HCN1: variants seen among roughly 807,000 people sequenced by gnomAD.
The protein encoded by HCN1 is potassium/sodium hyperpolarization-activated cyclic nucleotide-gated channel 1.
In HCN1, 13 loss-of-function variants were observed where a neutral mutation model predicts 78.9. The observed-to-expected ratio is 0.16, with a 90% CI of 0.11 to 0.26. HCN1 has a LOEUF of 0.26. Ranked by LOEUF, HCN1 falls within the 10% of genes least tolerant of loss-of-function variation. The pLI, the probability that HCN1 is intolerant of heterozygous loss-of-function variation, is 1.00. For synonymous variants in HCN1, 552 were observed against 455.5 expected, an observed-to-expected ratio of 1.21 and a Z score of -2.70; for missense variants, 810 against 1,154.3, an observed-to-expected ratio of 0.70 and a Z score of 4.32.
chr5:45,563,198 C>T (rs1293162702), intron 2 of HCN1, among the ~76,000 whole-genome samples: 3 of 151,870 alleles, frequency 2.0e-5, no homozygotes, highest in African/African-American at 7.3e-5. Context: ...GCCTGTAATC[C>T]CAGCACTTTG....
At chr5:45,450,360 A>G (rs1740892246) in intron 3 of HCN1, among the ~76,000 whole-genome samples, 1 of 152,250 alleles carries the variant, frequency 6.6e-6, no homozygotes, top group East Asian at 1.9e-4. Context: ...GATGGAAAAT[A>G]GAAGGTAGTA....
chr5:45,458,969 T>C (rs1179283540), intron 3 of HCN1, among the ~76,000 whole-genome samples: 1 of 152,094 alleles, frequency 6.6e-6, no homozygotes, highest in Non-Finnish European at 1.5e-5. Flanking sequence ...CTTTTTATTA[T>C]TGCAATAAAT....
chr5:45,517,208 C>T (rs1038233557), intron 2 of HCN1, among the ~76,000 whole-genome samples: 3 of 151,848 alleles, frequency 2.0e-5, no homozygotes, highest in African/African-American at 2.4e-5. Flanking sequence ...AATTAAACCA[C>T]GATAGTCAGA....
chr5:45,470,700 G>A (rs1192217405), intron 2 of HCN1, among the ~76,000 whole-genome samples: 1 of 151,936 alleles, frequency 6.6e-6, no homozygotes, highest in Non-Finnish European at 1.5e-5. Flanking sequence ...AGCCTTATTT[G>A]TATAAGTTTG....
chr5:45,523,665 G>C (rs1742665147), intron 2 of HCN1, among the ~76,000 whole-genome samples: 1 of 152,092 alleles, frequency 6.6e-6, no homozygotes, highest in Non-Finnish European at 1.5e-5. Context: ...CTTCTTTTGA[G>C]AGGTGTCTGT....
rs1213011315 is a variant in HCN1, at chr5:45,374,317, T to TAA, written c.1231-21072_1231-21071insTT. ...ATATATATTGTATACATTATATACA[T>TAA]TATATACATTATATACATTATATAT... is the stretch of plus-strand genomic sequence containing the variant. On this transcript the variant is annotated intron_variant, in intron 4 of 7. Transcript: ENST00000303230. Among the ~76,000 whole-genome samples the TAA allele has an allele frequency of 4.8e-4, 65 of 134,796 alleles. No individual in the cohort carries two copies. In the East Asian group the frequency reaches 7.5e-3, roughly 16 times the overall value. 88.4% of individuals were successfully genotyped at this position (134,796 alleles called of 152,430 possible).
chr5:45,454,412 G>A (rs1303360811), intron 3 of HCN1, among the ~76,000 whole-genome samples: 3 of 151,236 alleles, frequency 2.0e-5, no homozygotes, highest in South Asian at 2.1e-4. Context: ...TAGGAGCTAC[G>A]AAGGCATTTT....
chr5:45,256,270 G>C lies in HCN1; in HGVS notation c.*5651C>G, dbSNP rs1188062457. The C allele has an allele frequency of 6.6e-6, 1 of 151,858 alleles. No homozygotes were observed. The highest frequency in any genetic ancestry group is 1.5e-5 in the Non-Finnish European group (1 of 68,018). 9.4% of individuals were successfully genotyped at this position (151,858 alleles called of 1,614,324 possible). On this transcript the variant is annotated 3_prime_UTR_variant, in exon 8 of 8. Coordinates refer to ENST00000303230, the MANE Select transcript of HCN1 (RefSeq NM_021072.4). ...CACCTGTAATCCCAGCTACTCTGGA[G>C]GCTGATGCAGGAGAATTGCTTAAAC...
chr5:45,534,025 G>A (rs1742914285), intron 2 of HCN1, among the ~76,000 whole-genome samples: 1 of 152,064 alleles, frequency 6.6e-6, no homozygotes. Context: ...AGATTTATAA[G>A]AAAATCCTGT....
rs186760288 is a variant in HCN1 at position 45,654,029 on chromosome 5, T to C, written c.426-8421A>G. Among the ~76,000 whole-genome samples the C allele has an allele frequency of 5.5e-4, 83 of 152,232 alleles. 1 individual carries two copies. Among genetic ancestry groups the C allele is most frequent in the African/African-American group, 1.8e-3 (74 of 41,564 alleles). On this transcript the variant is annotated intron_variant, in intron 1 of 7. Coordinates refer to ENST00000303230, the MANE Select transcript of HCN1 (RefSeq NM_021072.4). ...CAAATGGTAGAATTATGATGCACGT[T>C]TTTAATAAACTATTTTAATCTTCTT... is the stretch of plus-strand genomic sequence containing the variant.
intron 2 of HCN1, among the ~76,000 whole-genome samples, chr5:45,533,742 C>G (rs1742906534): frequency 6.6e-6 from 1 of 152,124 alleles, no homozygotes; most frequent in Non-Finnish European, 1.5e-5. Flanking sequence ...AAAAGTGTTC[C>G]CATAAAGAGC....
intron 6 of HCN1, among the ~76,000 whole-genome samples, chr5:45,275,288 G>C (rs1745033921): frequency 6.6e-6 from 1 of 150,404 alleles, no homozygotes; most frequent in Non-Finnish European, 1.5e-5. Context: ...ATCAATAACT[G>C]AAAATGGCTT....
rs145073686 is a variant in HCN1 at position 45,443,116 on chromosome 5, C to T, written c.1011+18730G>A. ...TTCTTTCCCATCATGTTAAATGAAA[C>T]ATGATAGACAATATTAAATTGTTTT... On this transcript the variant is annotated intron_variant, in intron 3 of 7. Transcript: ENST00000303230. Among the ~76,000 whole-genome samples, 29 of 152,038 alleles carry T rather than the reference C, an allele frequency of 1.9e-4. No individual in the cohort carries two copies. The East Asian group carries it at 5.4e-3, about 28-fold the overall frequency.
chr5:45,644,874 TA>T (rs991284915), intron 2 of HCN1: 42 of 398,912 alleles, frequency 1.1e-4, no homozygotes, highest in South Asian at 2.1e-4. Context: ...TATATTAGAT[TA>T]AAAAAAACCA....
intron 6 of HCN1, among the ~76,000 whole-genome samples, chr5:45,274,287 T>G (rs1745011597): frequency 6.6e-6 from 1 of 152,176 alleles, no homozygotes; most frequent in Non-Finnish European, 1.5e-5. Context: ...TTTATGGTTA[T>G]TTAGATCAAA....
intron 2 of HCN1, among the ~76,000 whole-genome samples, chr5:45,494,382 G>A (rs1342377022): frequency 6.6e-6 from 1 of 152,074 alleles, no homozygotes. Context: ...GTGTTTTTTG[G>A]CTGCATAAAT....
chr5:45,578,781 T>C (rs1743998373), intron 2 of HCN1, among the ~76,000 whole-genome samples: 1 of 152,008 alleles, frequency 6.6e-6, no homozygotes, highest in Admixed American at 6.6e-5. Flanking sequence ...AAATGTAATA[T>C]GACTAAAATT....
intron 1 of HCN1, among the ~76,000 whole-genome samples, chr5:45,647,356 A>G (rs1745569721): frequency 1.3e-5 from 2 of 152,142 alleles, no homozygotes; most frequent in South Asian, 4.1e-4. Context: ...TTTCACAAAG[A>G]AATGGCACCA....
intron 2 of HCN1, among the ~76,000 whole-genome samples, chr5:45,640,160 C>T (rs1745425025): frequency 6.6e-6 from 1 of 152,170 alleles, no homozygotes; most frequent in Non-Finnish European, 1.5e-5. Flanking sequence ...CTCACATCTG[C>T]TTTTCTTACA....
Sources: gnomAD v4.1 joint callset for allele counts (sites outside exome capture counted in the v4.1 genomes callset) on GRCh38, gnomAD v4.1.1 for gene constraint, MANE v1.5 for transcripts, NCBI Gene and HGNC (gene_info 2026-07-23, HGNC 2026-07-21) for gene names.